SPSB4: variants seen among roughly 807,000 people sequenced by gnomAD.
SPSB4 encodes splA/ryanodine receptor domain and SOCS box containing 4, also known as SPRY domain-containing SOCS box protein 4.
Under a neutral mutation model 20.9 loss-of-function variants are expected in SPSB4, and 21 were observed. The ratio of observed to expected loss-of-function variants is 1.01; its 90% confidence interval spans 0.71 to 1.45. The LOEUF (loss-of-function observed/expected upper bound fraction) is 1.45. SPSB4 is among the 40% of genes most tolerant of loss of function. The pLI is 0.00. For missense variants in SPSB4, 399 were observed against 399.2 expected (o/e 1.00, Z 0.00); for synonymous variants, 207 against 183.8 (o/e 1.13, Z -1.02).
rs1363610904 is a variant in SPSB4 at position 141,066,776 on chromosome 3, G to T, written c.672G>T (p.Met224Ile). ...SAVWGHCEVT[M>I]RYINGLDPEP... Reference sequence around the variant, plus strand: ...TGTGGGGCCACTGTGAAGTCACCATGCGCTACATCAACGGCCTTGACCGTA... The same window carrying T: ...TGTGGGGCCACTGTGAAGTCACCATTCGCTACATCAACGGCCTTGACCGTA... The change falls in exon 2 of 3, where the codon ATG (methionine) becomes ATT (isoleucine). Residue 224 changes from methionine to isoleucine, a missense_variant. Coordinates refer to ENST00000310546, the MANE Select transcript of SPSB4 (RefSeq NM_080862.3). The T allele has an allele frequency of 1.9e-6, 3 of 1,562,394 alleles. No individual in the cohort carries two copies. The highest frequency in any genetic ancestry group is 3.7e-5 in the Admixed American group (2 of 54,188).
intron 1 of SPSB4, among the ~76,000 whole-genome samples, chr3:141,055,726 G>A (rs949655437): frequency 1.1e-4 from 16 of 152,206 alleles, no homozygotes; most frequent in African/African-American, 3.9e-4. Context: ...GCATGTGAGA[G>A]AGGGAAGAGG....
chr3:141,147,922 C>T lies in SPSB4; in HGVS notation c.*653C>T, dbSNP rs1235553133. ...TACCCCTTTCCACGTGCTCCCCTTC[C>T]CAGCCACTGACTCACAGTTCTCTGG... On this transcript the variant is annotated 3_prime_UTR_variant, in exon 3 of 3. Transcript: ENST00000310546. 1 of 153,184 alleles carries T rather than the reference C, an allele frequency of 6.5e-6. No homozygotes were observed. The highest frequency in any genetic ancestry group is 1.9e-4 in the East Asian group (1 of 5,212). The allele number at this position is 153,184 out of a possible 1,614,324, so 9.5% of individuals were successfully genotyped here.
chr3:141,117,006 G>A (rs1238965461), intron 2 of SPSB4: 1 of 152,224 alleles, frequency 6.6e-6, no homozygotes, highest in African/African-American at 2.4e-5. Flanking sequence ...ATTAGATGCT[G>A]TGTCCTGAGC....
intron 1 of SPSB4, among the ~76,000 whole-genome samples, chr3:141,065,673 G>A (rs904996886): frequency 6.6e-6 from 1 of 152,192 alleles, no homozygotes; most frequent in Non-Finnish European, 1.5e-5. Flanking sequence ...TCGGCTAATC[G>A]CTTATCCTCT....
At chr3:141,055,999 A>G (rs1937631994) in intron 1 of SPSB4, among the ~76,000 whole-genome samples, 1 of 152,188 alleles carries the variant, frequency 6.6e-6, no homozygotes, top group Non-Finnish European at 1.5e-5. Flanking sequence ...TCATAAGAGA[A>G]GATGCATGGA....
intron 1 of SPSB4, 47 bp from the exon 2 acceptor site, chr3:141,065,905 G>C (rs1324601902): frequency 1.7e-5 from 9 of 516,746 alleles, no homozygotes; most frequent in Non-Finnish European, 2.7e-5. Context: ...ATTGGCAACT[G>C]GCTGCTGATG....
chr3:141,055,196 G>A (rs572846381), intron 1 of SPSB4, among the ~76,000 whole-genome samples: 2 of 152,098 alleles, frequency 1.3e-5, no homozygotes, highest in South Asian at 4.2e-4. Flanking sequence ...GAGGGCAGAG[G>A]GTGCAGTGGG....
chr3:141,056,613 C>T (rs1046455010), intron 1 of SPSB4, among the ~76,000 whole-genome samples: 2 of 152,256 alleles, frequency 1.3e-5, no homozygotes, highest in Admixed American at 1.3e-4. Context: ...GAAGGTTCAT[C>T]TTGGGAGGTA....
chr3:141,136,088 G>A lies in SPSB4; in HGVS notation c.695-11054G>A, dbSNP rs573081452. Among the ~76,000 whole-genome samples, 214 of 152,272 alleles carry A rather than the reference G, an allele frequency of 1.4e-3. 1 individual carries two copies. Among genetic ancestry groups the A allele is most frequent in the African/African-American group, 5.1e-3 (213 of 41,546 alleles). On this transcript the variant is annotated intron_variant, in intron 2 of 2. Transcript: ENST00000310546. Reference sequence around the variant, plus strand: ...TGGTTTTGATTTGCATTTCTCTGATGGCCAGTGATGATGAGCATTTTTTCA... The same window carrying A: ...TGGTTTTGATTTGCATTTCTCTGATAGCCAGTGATGATGAGCATTTTTTCA...
chr3:141,087,344 A>T (rs1938365179), intron 2 of SPSB4, among the ~76,000 whole-genome samples: 1 of 152,186 alleles, frequency 6.6e-6, no homozygotes, highest in Non-Finnish European at 1.5e-5. Flanking sequence ...GCATGATGAA[A>T]GCCAGGTGTT....
chr3:141,104,815 G>A (rs1462392700), intron 2 of SPSB4, among the ~76,000 whole-genome samples: 1 of 152,208 alleles, frequency 6.6e-6, no homozygotes. Flanking sequence ...ATTCAAGCTG[G>A]GAAAAATAAA....
chr3:141,110,754 C>T (rs1284276923), intron 2 of SPSB4, among the ~76,000 whole-genome samples: 1 of 152,208 alleles, frequency 6.6e-6, no homozygotes, highest in Non-Finnish European at 1.5e-5. Context: ...CTTCTGCTGC[C>T]ATTTCCTTAG....
intron 2 of SPSB4, among the ~76,000 whole-genome samples, chr3:141,134,035 CTTTTTTTTTTTTTCTT>C (rs1939182572): frequency 2.1e-4 from 10 of 46,752 alleles, no homozygotes; most frequent in Admixed American, 5.1e-4. Flanking sequence ...TTTTTCTTTT[CTTTTTTTTTTTTTCTT>C]TTTTCTTTTT....
At chr3:141,076,876 ACT>A (rs1186214205) in intron 2 of SPSB4, 1 of 152,082 alleles carries the variant, frequency 6.6e-6, no homozygotes, top group Admixed American at 6.5e-5. Context: ...AACTGCATTC[ACT>A]CTGAACTCTT....
chr3:141,084,695 T>G (rs779634113), intron 2 of SPSB4, among the ~76,000 whole-genome samples: 19 of 152,204 alleles, frequency 1.2e-4, no homozygotes, highest in Non-Finnish European at 2.8e-4. Context: ...CCTGGACCAA[T>G]AGACCAAGCT....
Position 141,147,383 on chromosome 3 carries a change from A to C in SPSB4, c.*114A>C. ...GGATCTACCCTTCTCCTGGCTCCCC[A>C]GGACACTCAGTTCTTTCAAAGACCA... On this transcript the variant is annotated 3_prime_UTR_variant, in exon 3 of 3. Transcript: ENST00000310546. The C allele has an allele frequency of 6.6e-7, 1 of 1,510,716 alleles. No individual in the cohort carries two copies. Among genetic ancestry groups the C allele is most frequent in the Non-Finnish European group, 8.9e-7 (1 of 1,120,962 alleles). 93.6% of individuals were successfully genotyped at this position (1,510,716 alleles called of 1,614,324 possible).
chr3:141,133,640 T>A (rs1179013789), intron 2 of SPSB4, among the ~76,000 whole-genome samples: 1 of 152,226 alleles, frequency 6.6e-6, no homozygotes, highest in Non-Finnish European at 1.5e-5. Flanking sequence ...TTCTGGTCCA[T>A]TGGTCTACAT....
chr3:141,086,755 T>C (rs951830042), intron 2 of SPSB4, among the ~76,000 whole-genome samples: 1 of 152,234 alleles, frequency 6.6e-6, no homozygotes, highest in Non-Finnish European at 1.5e-5. Context: ...GTGAAGATTA[T>C]AAAATGATAC....
chr3:141,097,502 C>T (rs1459038526), intron 2 of SPSB4, among the ~76,000 whole-genome samples: 1 of 152,180 alleles, frequency 6.6e-6, no homozygotes, highest in Admixed American at 6.5e-5. Context: ...AGGTGATCCA[C>T]CCGCCTCAGC....
Sources: allele counts gnomAD v4.1 joint callset (sites outside exome capture counted in the v4.1 genomes callset), GRCh38; gene constraint gnomAD v4.1.1; transcripts MANE v1.5; gene names NCBI Gene and HGNC (gene_info 2026-07-23, HGNC 2026-07-21).